The following FADS2 variants were observed in gnomAD, a reference collection of about 807,000 sequenced individuals.
The protein encoded by FADS2 is acyl-CoA 6-desaturase.
FADS2 carries 18 observed loss-of-function variants against 61.2 expected under a neutral mutation model. That is an observed-to-expected ratio of 0.29 (90% confidence interval 0.20 to 0.44). FADS2 has a LOEUF of 0.44. Among genes scored for constraint, FADS2 ranks in the 20% least tolerant of loss-of-function variants. The pLI, the probability that FADS2 is intolerant of heterozygous loss-of-function variation, is 1.00. For synonymous variants in FADS2, 203 were observed against 223.9 expected (o/e 0.91, Z 0.83); for missense variants, 322 against 572.7 (o/e 0.56, Z 4.47).
At position 61,857,449 on chromosome 11, in the gene FADS2, T is replaced by C. The variant is rs2067370715; in HGVS notation, c.806-5T>C. The C allele has an allele frequency of 6.2e-7, 1 of 1,613,644 alleles. No homozygotes were observed. ...TGCCTCTAAGCGCCTGTCTCTCTCC[T>C]GCAGTTGGGCCGCCGCTGCTCATCC... On this transcript the variant is annotated splice_region_variant and splice_polypyrimidine_tract_variant and intron_variant, in intron 6 of 11. Coordinates refer to ENST00000278840, the MANE Select transcript of FADS2 (RefSeq NM_004265.4).
intron 4 of FADS2, chr11:61,847,639 C>T (rs1353326577): frequency 6.3e-6 from 1 of 159,736 alleles, no homozygotes; most frequent in East Asian, 1.7e-4. Flanking sequence ...TGTTGATGAA[C>T]ATTTGTGTTG....
Position 61,816,848 on chromosome 11 carries a change from G to T in FADS2, c.141+422G>T. On this transcript the variant is annotated intron_variant, in intron 1 of 11. Transcript: ENST00000257261. The surrounding 1 kb of genome is among the most constrained non-coding windows in gnomAD (Gnocchi z 7.0). ...GGGCTCCAGGAGTGGATTTGCTGGCGCGCGCCCAGAGCCAGCCGCCTGCGC... is the reference window on the plus strand; with the variant it reads ...GGGCTCCAGGAGTGGATTTGCTGGCTCGCGCCCAGAGCCAGCCGCCTGCGC... 6.7e-7 allele frequency: 1 copy of T among 1,486,508 alleles called. No individual in the cohort carries two copies. 92.1% of individuals were successfully genotyped at this position (1,486,508 alleles called of 1,614,324 possible). A position where few individuals can be genotyped will look rare whatever the true frequency, so the allele number is the denominator to read the frequency against.
chr11:61,863,100 C>T (rs1320356269), intron 8 of FADS2, 31 bp downstream of exon 8: 4 of 1,579,666 alleles, frequency 2.5e-6, no homozygotes, highest in South Asian at 2.2e-5. Flanking sequence ...CATCCCTGGG[C>T]CCTCCACTGG....
intron 1 of FADS2, among the ~76,000 whole-genome samples, chr11:61,817,942 T>G (rs2067001549): frequency 1.3e-5 from 2 of 152,210 alleles, no homozygotes; most frequent in Admixed American, 6.5e-5. Flanking sequence ...TAACCTAATT[T>G]ACAGTGAAGA....
At chr11:61,849,216 G>A (rs2067286443) in intron 5 of FADS2, among the ~76,000 whole-genome samples, 1 of 152,150 alleles carries the variant, frequency 6.6e-6, no homozygotes, top group South Asian at 2.1e-4. Context: ...GTAATTTAGT[G>A]GCCAGTCTAG....
At chr11:61,824,492 A>AGAGAGAG (rs1565325428), upstream of FADS2, among the ~76,000 whole-genome samples, 2 of 11,606 alleles carry the variant, frequency 1.7e-4, no homozygotes, top group African/African-American at 3.0e-4. Context: ...GAGAGAGAGA[A>AGAGAGAG]AGAAAGAAAG....
intron 7 of FADS2, among the ~76,000 whole-genome samples, chr11:61,859,171 C>T (rs1667029191): frequency 6.6e-6 from 1 of 152,100 alleles, no homozygotes; most frequent in Non-Finnish European, 1.5e-5. Context: ...AATTCTCCTG[C>T]CTCAGCCTCC....
At chr11:61,858,493 C>A (rs936025737) in intron 7 of FADS2, among the ~76,000 whole-genome samples, 1 of 151,904 alleles carries the variant, frequency 6.6e-6, no homozygotes, top group Admixed American at 6.6e-5. Flanking sequence ...TTTTAATTTT[C>A]TTTTTTTCTT....
chr11:61,835,017 A>C (rs1259953209), intron 1 of FADS2, among the ~76,000 whole-genome samples: 1 of 12,638 alleles, frequency 7.9e-5, no homozygotes, highest in Non-Finnish European at 1.6e-4. Context: ...GCCTGCCCCC[A>C]GGGCCTCCTC....
chr11:61,847,149 G>C (rs748473066), intron 4 of FADS2: 2 of 151,938 alleles, frequency 1.3e-5, no homozygotes, highest in Non-Finnish European at 2.9e-5. Context: ...GCCCAGGCTG[G>C]TCTCAAACTC....
intron 1 of FADS2, among the ~76,000 whole-genome samples, chr11:61,835,306 G>A (rs1320044023): frequency 2.6e-5 from 4 of 152,036 alleles, no homozygotes; most frequent in Non-Finnish European, 4.4e-5. Context: ...GGAGATGATG[G>A]GAGACTGGCA....
Position 61,865,685 on chromosome 11 carries a change from A to G in FADS2, c.1331A>G (p.Lys444Arg). The change falls in exon 12 of 12, where the codon AAA (lysine) becomes AGA (arginine). Residue 444 changes from lysine (K) to arginine (R), a missense_variant. Lys to Arg is a conservative substitution (Grantham distance 26). Coordinates refer to ENST00000278840, the MANE Select transcript of FADS2 (RefSeq NM_004265.4). This position sits in a 1 kb window ranked among gnomAD's most constrained non-coding sequence, Gnocchi z 4.1. ...GKLWLDAYLH[K>R] ...CTGTGGCTGGACGCCTACCTTCACA[A>G]ATGAAGCCACAGCCCCCGGGACACC... The G allele has an allele frequency of 1.9e-6, 3 of 1,611,434 alleles. No individual in the cohort carries two copies. Among genetic ancestry groups the G allele is most frequent in the Non-Finnish European group, 2.5e-6 (3 of 1,178,810 alleles).
At chr11:61,838,978 G>T (rs928871373) in intron 2 of FADS2, among the ~76,000 whole-genome samples, 18 of 152,056 alleles carry the variant, frequency 1.2e-4, no homozygotes, top group African/African-American at 4.3e-4. Context: ...CTCCCACCAG[G>T]CACCACCAGA....
At chr11:61,819,888 A>G (rs977324514) in intron 1 of FADS2, among the ~76,000 whole-genome samples, 4 of 129,228 alleles carry the variant, frequency 3.1e-5, no homozygotes, top group South Asian at 5.4e-4. Flanking sequence ...AAGGAAAATT[A>G]AATAATATGA....
upstream of FADS2, among the ~76,000 whole-genome samples, chr11:61,824,918 T>C (rs2067070654): frequency 1.3e-5 from 2 of 152,108 alleles, no homozygotes; most frequent in South Asian, 4.1e-4. Context: ...GTTGGCCGGG[T>C]GCAGTGGCTC....
intron 7 of FADS2, among the ~76,000 whole-genome samples, chr11:61,861,140 G>T (rs1216058065): frequency 6.6e-6 from 1 of 151,846 alleles, no homozygotes; most frequent in East Asian, 1.9e-4. Flanking sequence ...GGATCACAAG[G>T]TCAGGAGATC....
intron 5 of FADS2, among the ~76,000 whole-genome samples, chr11:61,853,275 CTT>C (rs2067324816): frequency 5.7e-5 from 5 of 88,108 alleles, no homozygotes; most frequent in African/African-American, 2.6e-4. Context: ...CCCTCCCTCC[CTT>C]CCCTCCCTCC....
chr11:61,838,061 C>G (rs2135959904), intron 2 of FADS2, among the ~76,000 whole-genome samples, 173 bp downstream of exon 2: 1 of 152,260 alleles, frequency 6.6e-6, no homozygotes, highest in South Asian at 2.1e-4. Flanking sequence ...CAGAGCCTCC[C>G]TGGGAGCCGG....
rs1345798047 is a variant in FADS2, at chr11:61,816,488, ACT to A, written c.141+65_141+66del. 1.9e-6 allele frequency: 3 copies of A among 1,600,578 alleles called. No individual in the cohort carries two copies. Among genetic ancestry groups the A allele is most frequent in the East Asian group, 4.5e-5 (2 of 44,732 alleles). ...GTCGGTGTTTGGCTCGGAGTGCGTA[ACT>A]CTGTCTCCCCTGCACTCAGCCTCCG... On this transcript the variant is annotated intron_variant, in intron 1 of 11. Coordinates refer to the FADS2 transcript ENST00000257261. This position sits in a 1 kb window ranked among gnomAD's most constrained non-coding sequence, Gnocchi z 7.0.
Sources: gnomAD v4.1 joint callset for allele counts (sites outside exome capture counted in the v4.1 genomes callset) on GRCh38, gnomAD v4.1.1 for gene constraint, Gnocchi (gnomAD v3.1) non-coding constraint, MANE v1.5 for transcripts, NCBI Gene and HGNC (gene_info 2026-07-23, HGNC 2026-07-21) for gene names.